RNF38: variants seen among roughly 807,000 people sequenced by gnomAD.
The protein encoded by RNF38 is ring finger protein 38.
Under a neutral mutation model 67.2 loss-of-function variants are expected in RNF38, and 15 were observed. That is an observed-to-expected ratio of 0.22 (90% CI 0.15 to 0.34). The LOEUF is 0.34. Among genes scored for constraint, RNF38 ranks in the 10% least tolerant of loss-of-function variants. The pLI, the probability that RNF38 is intolerant of heterozygous loss-of-function variation, is 1.00. For synonymous variants in RNF38, 220 were observed against 218.8 expected (o/e 1.01, Z -0.05); for missense variants, 524 against 639.9 (o/e 0.82, Z 1.95).
intron 1 of RNF38, among the ~76,000 whole-genome samples, chr9:36,459,838 A>T (rs1439685825): frequency 6.6e-6 from 1 of 151,946 alleles, no homozygotes; most frequent in Non-Finnish European, 1.5e-5. Context: ...TGTTTTCCCA[A>T]AAGAAAATTG....
chr9:36,385,214 A>T (rs1836516140), intron 2 of RNF38, among the ~76,000 whole-genome samples: 1 of 152,102 alleles, frequency 6.6e-6, no homozygotes, highest in Admixed American at 6.5e-5. Context: ...CCATTTCTTG[A>T]TCAGATTTTG....
At chr9:36,433,377 C>A (rs1210244627) in intron 1 of RNF38, among the ~76,000 whole-genome samples, 1 of 151,736 alleles carries the variant, frequency 6.6e-6, no homozygotes, top group Non-Finnish European at 1.5e-5. Context: ...ATCAAAATAT[C>A]TCATGTACCC....
intron 1 of RNF38, among the ~76,000 whole-genome samples, chr9:36,455,838 G>T (rs1587169842): frequency 6.6e-6 from 1 of 151,588 alleles, no homozygotes; most frequent in African/African-American, 2.4e-5. Context: ...TTGAATCTGG[G>T]GGGCGGAGGT....
chr9:36,357,456 G>A (rs558050941), intron 5 of RNF38, among the ~76,000 whole-genome samples: 34 of 152,206 alleles, frequency 2.2e-4, no homozygotes, highest in South Asian at 6.2e-4. Context: ...AATTATAAAC[G>A]GTGTTGACAT....
intron 7 of RNF38, 97 bp from the exon 8 acceptor site, chr9:36,352,945 G>A (rs1423040623): frequency 8.8e-6 from 8 of 913,118 alleles, no homozygotes; most frequent in Non-Finnish European, 1.4e-5. Context: ...AAACAGTAAA[G>A]TTCTTTATTG....
intron 1 of RNF38, among the ~76,000 whole-genome samples, chr9:36,435,626 T>TC (rs1225464140): frequency 6.6e-6 from 1 of 151,110 alleles, no homozygotes; most frequent in African/African-American, 2.4e-5. Context: ...AATGGAGGTT[T>TC]TTTTTTTTTT....
chr9:36,462,882 C>G (rs1311994102), intron 1 of RNF38, among the ~76,000 whole-genome samples: 1 of 152,010 alleles, frequency 6.6e-6, no homozygotes, highest in African/African-American at 2.4e-5. Flanking sequence ...ACCATGTTGG[C>G]CAGGCTGGTC....
chr9:36,457,537 A>G (rs1839621908), intron 1 of RNF38, among the ~76,000 whole-genome samples: 1 of 152,216 alleles, frequency 6.6e-6, no homozygotes, highest in Non-Finnish European at 1.5e-5. Context: ...AAATAACTTT[A>G]AAGCCCTTAT....
intron 1 of RNF38, among the ~76,000 whole-genome samples, chr9:36,442,324 C>A (rs1839210001): frequency 6.6e-6 from 1 of 152,184 alleles, no homozygotes; most frequent in Non-Finnish European, 1.5e-5. Flanking sequence ...GAACTTTTAG[C>A]AATGACTACT....
At chr9:36,485,042 G>A (rs562653498) in intron 1 of RNF38, among the ~76,000 whole-genome samples, 10 of 152,256 alleles carry the variant, frequency 6.6e-5, no homozygotes, top group Middle Eastern at 3.4e-3. Flanking sequence ...GGTGGCGGGC[G>A]CCTGTGGTCC....
chr9:36,401,319 C>T, upstream of RNF38: 1 of 658,196 alleles, frequency 1.5e-6, no homozygotes, highest in Non-Finnish European at 1.9e-6. Flanking sequence ...CCCCCCGCTG[C>T]CCTGCGGACC....
chr9:36,448,920 C>T (rs1217411209), intron 1 of RNF38, among the ~76,000 whole-genome samples: 1 of 151,918 alleles, frequency 6.6e-6, no homozygotes, highest in Non-Finnish European at 1.5e-5. Context: ...CTTGAACCAG[C>T]GAGGTGGAGG....
intron 6 of RNF38, among the ~76,000 whole-genome samples, chr9:36,354,844 A>AT (rs1286669210): frequency 2.0e-5 from 3 of 152,268 alleles, no homozygotes; most frequent in Admixed American, 6.5e-5. Flanking sequence ...TTATTCAAAT[A>AT]TAAGTAAATA....
chr9:36,473,755 G>A (rs1410408558), intron 1 of RNF38, among the ~76,000 whole-genome samples: 5 of 151,766 alleles, frequency 3.3e-5, no homozygotes, highest in Non-Finnish European at 5.9e-5. Flanking sequence ...GGGAGGCTGA[G>A]GCAGGTGGAT....
At chr9:36,449,974 G>A (rs1026608686) in intron 1 of RNF38, among the ~76,000 whole-genome samples, 2 of 152,032 alleles carry the variant, frequency 1.3e-5, no homozygotes, top group Non-Finnish European at 2.9e-5. Flanking sequence ...AAACATATTC[G>A]CTCTGTTCAC....
chr9:36,380,328 T>C (rs767926737), intron 2 of RNF38, among the ~76,000 whole-genome samples: 1 of 152,038 alleles, frequency 6.6e-6, no homozygotes, highest in Non-Finnish European at 1.5e-5. Context: ...GCCTCCCGAG[T>C]AGCTGGGATT....
At chr9:36,461,060 C>T (rs1287960870) in intron 1 of RNF38, among the ~76,000 whole-genome samples, 1 of 151,858 alleles carries the variant, frequency 6.6e-6, no homozygotes, top group East Asian at 1.9e-4. Context: ...CTAAAAAATA[C>T]AATAATTAGC....
chr9:36,429,412 A>C (rs1191573279), intron 1 of RNF38, among the ~76,000 whole-genome samples: 4 of 152,220 alleles, frequency 2.6e-5, no homozygotes, highest in African/African-American at 7.2e-5. Context: ...AAAATGGCTT[A>C]GTATTTGCAT....
intron 1 of RNF38, among the ~76,000 whole-genome samples, chr9:36,441,890 AG>A (rs1839199602): frequency 6.6e-6 from 1 of 152,248 alleles, no homozygotes; most frequent in Non-Finnish European, 1.5e-5. Context: ...ATTATTTTCT[AG>A]TATATTAAGG....
Sources: gnomAD v4.1 joint callset for allele counts (sites outside exome capture counted in the v4.1 genomes callset) on GRCh38, gnomAD v4.1.1 for gene constraint, MANE v1.5 for transcripts, NCBI Gene and HGNC (gene_info 2026-07-23, HGNC 2026-07-21) for gene names.